The following MACROD2 variants were observed in gnomAD, a reference collection of about 807,000 sequenced individuals.
MACROD2 encodes the protein ADP-ribose glycohydrolase MACROD2.
A neutral mutation model predicts 70.4 loss-of-function variants in MACROD2; 36 were observed. The observed-to-expected ratio is 0.51, with a 90% CI of 0.39 to 0.68. MACROD2 has a LOEUF of 0.68. MACROD2 is among the 30% of genes least tolerant of loss of function. The pLI is 0.00. For synonymous variants in MACROD2, 172 were observed against 178.8 expected (o/e 0.96, Z 0.30); for missense variants, 496 against 538.4 (o/e 0.92, Z 0.78).
chr20:15,258,041 GT>G (rs2077214900), intron 6 of MACROD2, among the ~76,000 whole-genome samples: 1 of 150,706 alleles, frequency 6.6e-6, no homozygotes, highest in East Asian at 1.9e-4. Context: ...AAGTTCAAAA[GT>G]TTAAAAAAAA....
intron 3 of MACROD2, among the ~76,000 whole-genome samples, chr20:14,201,163 AT>A: frequency 2.0e-5 from 3 of 152,260 alleles, no homozygotes; most frequent in East Asian, 3.9e-4. Flanking sequence ...CGAATCTGGA[AT>A]TTATTTTTTA....
intron 5 of MACROD2, among the ~76,000 whole-genome samples, chr20:14,749,176 C>A (rs1030697218): frequency 7.2e-5 from 11 of 151,958 alleles, no homozygotes; most frequent in African/African-American, 2.7e-4. Context: ...GCCGTATAAC[C>A]CATGCCATTA....
chr20:14,302,559 A>G (rs752945604), intron 3 of MACROD2, among the ~76,000 whole-genome samples: 1 of 152,150 alleles, frequency 6.6e-6, no homozygotes, highest in Non-Finnish European at 1.5e-5. Flanking sequence ...AGTGATTTTA[A>G]TGTCCTTATA....
intron 5 of MACROD2, among the ~76,000 whole-genome samples, chr20:15,146,700 C>G (rs577468706): frequency 6.6e-6 from 1 of 152,226 alleles, no homozygotes; most frequent in South Asian, 2.1e-4. Flanking sequence ...CATCTGTACA[C>G]CTGACTTTTC....
chr20:16,026,685 C>G (rs991397191), intron 15 of MACROD2, among the ~76,000 whole-genome samples: 5 of 152,186 alleles, frequency 3.3e-5, no homozygotes, highest in Admixed American at 3.3e-4. Context: ...GTTCACATCT[C>G]TAAGGGGTTT....
chr20:15,726,085 C>T (rs980778584), intron 8 of MACROD2, among the ~76,000 whole-genome samples: 1 of 152,130 alleles, frequency 6.6e-6, no homozygotes, highest in African/African-American at 2.4e-5. Context: ...TTCTCTCACT[C>T]TCCACCCTCA....
intron 6 of MACROD2, among the ~76,000 whole-genome samples, chr20:15,283,899 C>T (rs1484902905): frequency 6.6e-6 from 1 of 152,048 alleles, no homozygotes; most frequent in African/African-American, 2.4e-5. Context: ...CAACAATGGT[C>T]ATCTCCTTTC....
At chr20:14,271,953 A>G (rs6110224) in intron 3 of MACROD2, among the ~76,000 whole-genome samples, 26,390 of 152,086 alleles carry the variant, frequency 0.17, 2,667 homozygotes, top group South Asian at 0.27. Context: ...AAAAAAGAAT[A>G]AAAAGAAACG....
At chr20:14,989,514 AAGAG>A (rs147926950) in intron 5 of MACROD2, among the ~76,000 whole-genome samples, 1 of 152,126 alleles carries the variant, frequency 6.6e-6, no homozygotes, top group Non-Finnish European at 1.5e-5. Context: ...AGGCAGACTC[AAGAG>A]AGAGTCAGGT....
chr20:15,560,667 G>A (rs1345589177), intron 8 of MACROD2, among the ~76,000 whole-genome samples: 1 of 149,206 alleles, frequency 6.7e-6, no homozygotes, highest in Non-Finnish European at 1.5e-5. Flanking sequence ...GGAGGCTGAG[G>A]CAGGAGAATC....
intron 4 of MACROD2, among the ~76,000 whole-genome samples, chr20:14,602,284 G>A (rs1982549124): frequency 6.6e-6 from 1 of 152,194 alleles, no homozygotes; most frequent in African/African-American, 2.4e-5. Flanking sequence ...ACCCTATCCT[G>A]AGGTACTGTT....
At chr20:15,707,026 C>T (rs17625218) in intron 8 of MACROD2, among the ~76,000 whole-genome samples, 2,620 of 152,274 alleles carry the variant, frequency 0.017, 40 homozygotes, top group Non-Finnish European at 0.028. Flanking sequence ...AGGTTATCAA[C>T]CCTCCAGATA....
intron 5 of MACROD2, among the ~76,000 whole-genome samples, chr20:15,190,738 C>T (rs957437724): frequency 6.6e-6 from 1 of 152,222 alleles, no homozygotes; most frequent in South Asian, 2.1e-4. Context: ...AAAGGGTGCA[C>T]AGGAGGCCTT....
At chr20:15,247,831 G>A (rs1320638638) in intron 6 of MACROD2, among the ~76,000 whole-genome samples, 1 of 152,046 alleles carries the variant, frequency 6.6e-6, no homozygotes, top group African/African-American at 2.4e-5. Context: ...CCAAGTAGCT[G>A]GGATTACAGA....
intron 8 of MACROD2, among the ~76,000 whole-genome samples, chr20:15,517,905 A>G (rs1248424853): frequency 6.6e-6 from 1 of 152,370 alleles, no homozygotes; most frequent in Non-Finnish European, 1.5e-5. Context: ...TTGCCGAGCC[A>G]TTTCTTATTG....
intron 5 of MACROD2, among the ~76,000 whole-genome samples, chr20:15,054,697 A>G (rs1405396032): frequency 3.3e-5 from 5 of 152,040 alleles, no homozygotes; most frequent in African/African-American, 1.2e-4. Context: ...CAGTAACAGC[A>G]CTCCACTGTA....
intron 5 of MACROD2, among the ~76,000 whole-genome samples, chr20:15,068,627 A>T (rs1343032257): frequency 6.6e-6 from 1 of 152,128 alleles, no homozygotes; most frequent in African/African-American, 2.4e-5. Flanking sequence ...GCCATGTGAC[A>T]TGCTGGCTCC....
intron 8 of MACROD2, among the ~76,000 whole-genome samples, chr20:15,554,546 C>CAAAATAAAAA (rs2048140787): frequency 1.1e-5 from 1 of 89,846 alleles, no homozygotes; most frequent in African/African-American, 4.1e-5. Context: ...CCTATTTGGC[C>CAAAATAAAAA]AAAAAAAAAA....
chr20:15,426,982 C>T (rs2046306168), intron 6 of MACROD2, among the ~76,000 whole-genome samples: 1 of 151,838 alleles, frequency 6.6e-6, no homozygotes, highest in African/African-American at 2.4e-5. Context: ...TGTTCACTTG[C>T]TCTTTCTCAA....
Sources: gnomAD v4.1 joint callset for allele counts (sites outside exome capture counted in the v4.1 genomes callset) on GRCh38, gnomAD v4.1.1 for gene constraint, MANE v1.5 for transcripts, NCBI Gene and HGNC (gene_info 2026-07-23, HGNC 2026-07-21) for gene names.